DMBT1: variants seen among roughly 807,000 people sequenced by gnomAD.
DMBT1 encodes the protein scavenger receptor cysteine-rich domain-containing protein DMBT1.
In DMBT1, 198 loss-of-function variants were observed where a neutral mutation model predicts 252.9. That is an observed-to-expected ratio of 0.78 (90% CI 0.70 to 0.88). DMBT1 has a LOEUF of 0.88. Among genes scored for constraint, DMBT1 ranks in the 40% least tolerant of loss-of-function variants. The pLI, the probability that DMBT1 is intolerant of heterozygous loss-of-function variation, is 0.00. For missense variants in DMBT1, 2,432 were observed against 2,404.7 expected (o/e 1.01, Z -0.24); for synonymous variants, 990 against 942.7 (o/e 1.05, Z -0.92).
At chr10:122,585,681 C>T (rs572930292) in intron 15 of DMBT1, among the ~76,000 whole-genome samples, 2 of 148,752 alleles carry the variant, frequency 1.3e-5, no homozygotes, top group African/African-American at 4.9e-5. Flanking sequence ...CTGGCCAAGG[C>T]CTTGTCATAC....
At chr10:122,577,645 G>A (rs921614797) in intron 7 of DMBT1, among the ~76,000 whole-genome samples, 166 bp from the exon 8 acceptor site, 1 of 152,184 alleles carries the variant, frequency 6.6e-6, no homozygotes, top group Admixed American at 6.5e-5. Context: ...GGGGCTGTGG[G>A]GTCCCTGAGG....
chr10:122,597,977 C>G lies in DMBT1; in HGVS notation c.2921C>G (p.Thr974Arg). The G allele has an allele frequency of 6.2e-7, 1 of 1,613,944 alleles. No individual in the cohort carries two copies. The highest frequency in any genetic ancestry group is 8.5e-7 in the Non-Finnish European group (1 of 1,179,862). The change falls in exon 25 of 56, where the codon ACA (threonine) becomes AGA (arginine). Residue 974 changes from threonine to arginine, a missense_variant. This residue lies in a region of DMBT1 where 1,264 missense variants were observed against 1,082.2 expected (regional missense o/e 1.17). Transcript: ENST00000338354. ...TTTGTCTCTGTTGCAATTACAGACA[C>G]ATTGCCGACCATCACCTTGCCTGCA... ...AHSWSTPSPD[T>R]LPTITLPAST...
intron 49 of DMBT1, 99 bp from the exon 50 acceptor site, chr10:122,631,756 G>A (rs534447921): frequency 8.0e-6 from 11 of 1,378,874 alleles, no homozygotes; most frequent in South Asian, 1.2e-5. Flanking sequence ...GCCGAGGGGG[G>A]TCAGGTTATG....
Position 122,636,205 on chromosome 10 carries a change from T to C in DMBT1, c.6757+6T>C, listed in dbSNP as rs766502029. 4.5e-5 allele frequency: 72 copies of C among 1,610,064 alleles called. No homozygotes were observed. Among genetic ancestry groups the C allele is most frequent in the Non-Finnish European group, 5.9e-5 (70 of 1,176,998 alleles). On this transcript the variant is annotated splice_donor_region_variant and intron_variant, in intron 53 of 55. Transcript: ENST00000338354. ...TCCCTCCAATGACAGCACCAGTAAG[T>C]CCCCTTGTGGAAATGCTCTGTTGGG...
At chr10:122,573,609 T>G (rs917033915) in intron 5 of DMBT1, 106 bp from the exon 6 acceptor site, 2 of 1,388,766 alleles carry the variant, frequency 1.4e-6, no homozygotes, top group African/African-American at 2.8e-5. Flanking sequence ...ATGGTGCCCT[T>G]AGGACCTGTG....
At chr10:122,566,907 A>T (rs1234688765) in intron 2 of DMBT1, among the ~76,000 whole-genome samples, 2 of 152,170 alleles carry the variant, frequency 1.3e-5, no homozygotes, top group African/African-American at 4.8e-5. Context: ...TATGTCTAAG[A>T]TCATGTGTCT....
chr10:122,631,219 G>A lies in DMBT1; in HGVS notation c.6284G>A (p.Arg2095Gln), dbSNP rs202040313. Residue 2095 changes from arginine (R) to glutamine (Q), a missense_variant, in exon 49 of 56, where the codon CGG (arginine) becomes CAG (glutamine). Physicochemically the swap from Arg to Gln is conservative, Grantham distance 43 (BLOSUM62 1). This residue lies in a region of DMBT1 where 1,162 missense variants were observed against 1,169.0 expected (regional missense o/e 0.99). Coordinates refer to ENST00000338354, the MANE Select transcript of DMBT1 (RefSeq NM_001377530.1). ...ACGGAATCCACTCTCTGGCAGTGCC[G>A]GAACCGAGGCTGGTTCTCCCACAAC... is the stretch of plus-strand genomic sequence containing the variant. ...SGTESTLWQC[R>Q]NRGWFSHNCN... The A allele has an allele frequency of 1.7e-4, 267 of 1,613,874 alleles. No individual in the cohort carries two copies. The highest frequency in any genetic ancestry group is 1.5e-4 in the Non-Finnish European group (179 of 1,179,900).
At position 122,592,359 on chromosome 10, in the gene DMBT1, G is replaced by A. The variant is rs757638663; in HGVS notation, c.2264G>A (p.Gly755Asp). ...RVEVLYRGSWGTVCDDSWDTN... is the reference protein window; with the variant it reads ...RVEVLYRGSWDTVCDDSWDTN... ...GAGGTCCTATACCGAGGCTCCTGGG[G>A]CACCGTGTGTGATGACAGCTGGGAT... Residue 755 changes from glycine to aspartate, a missense_variant, in exon 20 of 56, where the codon GGC (glycine) becomes GAC (aspartate). Around this residue, in one of 3 missense-constraint regions of DMBT1, gnomAD observed 1,264 missense variants for 1,082.2 expected, o/e 1.17. Coordinates refer to ENST00000338354, the MANE Select transcript of DMBT1 (RefSeq NM_001377530.1). 39 of 1,588,270 alleles carry A rather than the reference G, an allele frequency of 2.5e-5. 3 individuals carry two copies. Among genetic ancestry groups the A allele is most frequent in the South Asian group, 4.6e-5 (4 of 86,950 alleles).
Position 122,640,233 on chromosome 10 carries a change from A to G in DMBT1, c.7136A>G (p.Tyr2379Cys). The G allele has an allele frequency of 6.2e-7, 1 of 1,614,056 alleles. No individual in the cohort carries two copies. Among genetic ancestry groups the G allele is most frequent in the Non-Finnish European group, 8.5e-7 (1 of 1,179,904 alleles). The change falls in exon 55 of 56, where the codon TAT (tyrosine) becomes TGT (cysteine). Residue 2379 changes from tyrosine to cysteine, a missense_variant. This residue lies in a region of DMBT1 where 1,162 missense variants were observed against 1,169.0 expected (regional missense o/e 0.99). Coordinates refer to ENST00000338354, the MANE Select transcript of DMBT1 (RefSeq NM_001377530.1). The stretch of plus-strand genomic sequence containing the variant: ...ACCATCCAGGTCGAGGAAGTCCAGT[A>G]TGGCAATTTTGACGTGAACATTTCC... ...NNTIQVEEVQ[Y>C]GNFDVNISFY... is the part of the protein sequence containing the mutation.
chr10:122,639,500 C>CG (rs1735476344), intron 54 of DMBT1, among the ~76,000 whole-genome samples: 1 of 150,802 alleles, frequency 6.6e-6, no homozygotes, highest in South Asian at 2.1e-4. Flanking sequence ...CGGGCAGGGG[C>CG]GGGGGTCACA....
Position 122,599,103 on chromosome 10 carries a change from C to T in DMBT1, c.3280+6C>T. ...CGCTGGTGTCATCTGCTCAGGTGGG[C>T]CTTCAAGAACTTGGGATCACTCTCT... On this transcript the variant is annotated splice_donor_region_variant and intron_variant, in intron 26 of 55. Coordinates refer to ENST00000338354, the MANE Select transcript of DMBT1 (RefSeq NM_001377530.1). 3 of 1,613,814 alleles carry T rather than the reference C, an allele frequency of 1.9e-6. No individual in the cohort carries two copies. The highest frequency in any genetic ancestry group is 8.5e-7 in the Non-Finnish European group (1 of 1,179,756).
Position 122,593,223 on chromosome 10 carries a change from G to T in DMBT1, c.2501-346G>T, listed in dbSNP as rs1451180323. 6.0e-5 allele frequency among the ~76,000 whole-genome samples: 9 copies of T among 148,772 alleles called. 1 individual carries two copies. The highest frequency in any genetic ancestry group is 6.0e-4 in the Admixed American group (9 of 15,020). ...AGGCATGGCCTTGTTATTGCCTGTG[G>T]TCGGGGCTTGAAGATCACACAAGGG... On this transcript the variant is annotated intron_variant, in intron 20 of 55. Transcript: ENST00000338354.
intron 54 of DMBT1, 25 bp from the exon 55 acceptor site, chr10:122,640,015 C>T: frequency 1.9e-6 from 3 of 1,604,050 alleles, no homozygotes; most frequent in Non-Finnish European, 2.6e-6. Context: ...GTGCCTGACT[C>T]TGCTCTCTTG....
intron 6 of DMBT1, among the ~76,000 whole-genome samples, chr10:122,575,474 C>A (rs1312254544): frequency 6.6e-6 from 1 of 152,162 alleles, no homozygotes; most frequent in Non-Finnish European, 1.5e-5. Context: ...TACTTTCAGC[C>A]CATGAGTGTC....
Position 122,637,176 on chromosome 10 carries a change from A to C in DMBT1, c.6806A>C (p.Tyr2269Ser). ...ATGCAAGCCAGTGTGAGCAGGAGCT[A>C]TCTCCAATCCTTGGGCTTTTCTGCC... ...NHMQASVSRS[Y>S]LQSLGFSASD... Residue 2269 changes from tyrosine to serine, a missense_variant, in exon 54 of 56, where the codon TAT (tyrosine) becomes TCT (serine). Tyr to Ser is a moderately radical substitution (Grantham distance 144, BLOSUM62 -2). Transcript: ENST00000338354. 1 of 1,614,018 alleles carries C rather than the reference A, an allele frequency of 6.2e-7. No individual in the cohort carries two copies. Among genetic ancestry groups the C allele is most frequent in the Non-Finnish European group, 8.5e-7 (1 of 1,179,888 alleles).
chr10:122,632,200 C>G (rs1018152485), intron 50 of DMBT1, among the ~76,000 whole-genome samples: 4 of 151,992 alleles, frequency 2.6e-5, no homozygotes, highest in African/African-American at 9.7e-5. Flanking sequence ...TCCTCCCTGC[C>G]TGCCCCTGAG....
rs566926424 is a variant in DMBT1, at chr10:122,600,088, G to T, written c.3305G>T (p.Ser1102Ile). Residue 1102 changes from serine to isoleucine, a missense_variant, in exon 27 of 56, where the codon AGT (serine) becomes ATT (isoleucine). Ser to Ile is a moderately radical substitution (Grantham distance 142, BLOSUM62 -2). Coordinates refer to ENST00000338354, the MANE Select transcript of DMBT1 (RefSeq NM_001377530.1). Reference sequence around the variant, plus strand: ...GCTTCCCAGTCCCGGCCAACACCTAGTCCAGGTGGGTCCCCAGTGTCCTTC... The same window carrying T: ...GCTTCCCAGTCCCGGCCAACACCTATTCCAGGTGGGTCCCCAGTGTCCTTC... ...CSASQSRPTP[S>I]PDTWPTSHAS... The T allele has an allele frequency of 6.2e-7, 1 of 1,604,816 alleles. No homozygotes were observed. The highest frequency in any genetic ancestry group is 1.1e-5 in the South Asian group (1 of 89,884).
intron 28 of DMBT1, 109 bp downstream of exon 28, chr10:122,601,132 G>T: frequency 2.2e-6 from 1 of 453,954 alleles, no homozygotes; most frequent in Non-Finnish European, 3.7e-6. Flanking sequence ...TCACTCCCCT[G>T]TGGGTTGCGT....
chr10:122,625,986 C>T, intron 46 of DMBT1, 21 bp downstream of exon 46: 28 of 1,598,140 alleles, frequency 1.8e-5, no homozygotes, highest in Non-Finnish European at 2.4e-5. Context: ...CATTTTCTAC[C>T]TGAACCATAG....
Sources: gnomAD v4.1 joint callset for allele counts (sites outside exome capture counted in the v4.1 genomes callset) on GRCh38, gnomAD v4.1.1 for gene constraint, gnomAD v4.1.1 regional missense constraint, MANE v1.5 for transcripts, NCBI Gene and HGNC (gene_info 2026-07-23, HGNC 2026-07-21) for gene names.